The following ZNF221 variants were observed in gnomAD, a reference collection of about 807,000 sequenced individuals.
The protein encoded by ZNF221 is zinc finger protein 221.
A neutral mutation model predicts 12.6 loss-of-function variants in ZNF221; 10 were observed. The ratio of observed to expected loss-of-function variants is 0.79; its 90% CI spans 0.49 to 1.34. ZNF221 has a LOEUF of 1.34. Ranked by LOEUF, ZNF221 falls within the 40% of genes most tolerant of loss-of-function variation. The probability of loss-of-function intolerance (pLI) is 0.00; values close to 1 mark genes in which losing one functional copy is unlikely to be tolerated. For missense variants in ZNF221, 661 were observed against 721.4 expected, an observed-to-expected ratio of 0.92 and a Z score of 0.96; for synonymous variants, 232 against 244.0, an observed-to-expected ratio of 0.95 and a Z score of 0.46.
Position 43,966,320 on chromosome 19 carries a change from G to A in ZNF221, c.818G>A (p.Cys273Tyr). ...FHSRSALNVH[C>Y]KLHTGEKPYN... ...AGTAGATCAGCACTTAATGTTCATT[G>A]CAAATTGCACACAGGAGAGAAACCT... The change falls in exon 5 of 5, where the codon TGC (cysteine) becomes TAC (tyrosine). Residue 273 changes from cysteine to tyrosine, a missense_variant. Physicochemically the swap from Cys to Tyr is radical, Grantham distance 194. Transcript: ENST00000587682. 1 of 1,614,134 alleles carries A rather than the reference G, an allele frequency of 6.2e-7. No individual in the cohort carries two copies. The highest frequency in any genetic ancestry group is 8.5e-7 in the Non-Finnish European group (1 of 1,179,996).
At chr19:43,971,523 C>T (rs55821779), downstream of ZNF221, among the ~76,000 whole-genome samples, 58,601 of 151,616 alleles carry the variant, frequency 0.39, 13,908 homozygotes, top group South Asian at 0.54. Flanking sequence ...ATCACACGTG[C>T]AAAGACACAC....
chr19:43,973,895 A>C, the ZNF221 span, among the ~76,000 whole-genome samples: 2 of 152,188 alleles, frequency 1.3e-5, no homozygotes, highest in African/African-American at 2.4e-5. Context: ...AGAAAAAAAA[A>C]CCTATTTTAA....
intron 4 of ZNF221, 21 bp downstream of exon 4, chr19:43,965,346 C>T (rs1390822253): frequency 6.3e-7 from 1 of 1,581,248 alleles, no homozygotes; most frequent in African/African-American, 1.4e-5. Context: ...AGTAACTGTG[C>T]ATCCTTGTAC....
chr19:43,971,800 A>G (rs1189341493), downstream of ZNF221, among the ~76,000 whole-genome samples: 8 of 152,216 alleles, frequency 5.3e-5, no homozygotes, highest in Admixed American at 5.2e-4. Flanking sequence ...TTAGACTCCC[A>G]CACAGTAATA....
chr19:43,960,797 A>G (rs1261605348), intron 1 of ZNF221, among the ~76,000 whole-genome samples: 1 of 152,248 alleles, frequency 6.6e-6, no homozygotes, highest in African/African-American at 2.4e-5. Flanking sequence ...GAATGCAAGC[A>G]TGAAGGAGGC....
In ZNF221 at chr19:43,965,297, GACA is replaced by G. The variant is rs541833059; in HGVS notation, c.278_280del (p.Thr93del). ...GGAAGGAAAAGTTTTGGAAGATGAA[GACA>G]ACAAGCCAAAGAGAAGGGAATTCAG... On this transcript the variant is annotated inframe_deletion, in exon 4 of 5. Coordinates refer to ENST00000587682, the MANE Select transcript of ZNF221 (RefSeq NM_001297588.2). 175 of 1,613,638 alleles carry G rather than the reference GACA, an allele frequency of 1.1e-4. No homozygotes were observed. In the African/African-American group the frequency reaches 2.1e-3, roughly 19 times the overall value.
At chr19:43,970,564 G>A (rs1975076280), downstream of ZNF221, among the ~76,000 whole-genome samples, 1 of 152,152 alleles carries the variant, frequency 6.6e-6, no homozygotes, top group Non-Finnish European at 1.5e-5. Context: ...GTTTAGAGAG[G>A]AACATAACTG....
the ZNF221 span, among the ~76,000 whole-genome samples, chr19:43,972,951 A>G: frequency 1.3e-5 from 2 of 152,112 alleles, no homozygotes; most frequent in Non-Finnish European, 2.9e-5. Context: ...TAAAACGAAA[A>G]AAGAAAACTT....
chr19:43,980,061 A>G, the ZNF221 span, among the ~76,000 whole-genome samples: 1 of 152,244 alleles, frequency 6.6e-6, no homozygotes, highest in Non-Finnish European at 1.5e-5. Flanking sequence ...GGTATTTACT[A>G]GTTGCTCTGA....
chr19:43,958,509 T>A (rs1286144712), intron 1 of ZNF221, among the ~76,000 whole-genome samples: 1 of 152,216 alleles, frequency 6.6e-6, no homozygotes, highest in Non-Finnish European at 1.5e-5. Flanking sequence ...TTGATCAGGC[T>A]GGCTGTTCCC....
the ZNF221 span, among the ~76,000 whole-genome samples, chr19:43,979,922 C>T: frequency 1.3e-5 from 2 of 152,142 alleles, no homozygotes; most frequent in African/African-American, 2.4e-5. Flanking sequence ...GTTGTTAAAG[C>T]CACGACATGG....
intron 1 of ZNF221, among the ~76,000 whole-genome samples, chr19:43,957,076 T>G (rs1370322538): frequency 2.0e-5 from 3 of 152,260 alleles, no homozygotes; most frequent in Non-Finnish European, 4.4e-5. Context: ...TCCCTTTGAT[T>G]GGTCAAAACT....
At chr19:43,974,061 C>A in the ZNF221 span, among the ~76,000 whole-genome samples, 1 of 152,058 alleles carries the variant, frequency 6.6e-6, no homozygotes, top group Non-Finnish European at 1.5e-5. Context: ...GACACATAGA[C>A]AAATGGAACA....
chr19:43,952,461 A>T (rs375843257), intron 1 of ZNF221, among the ~76,000 whole-genome samples: 4 of 152,338 alleles, frequency 2.6e-5, no homozygotes, highest in African/African-American at 9.6e-5. Flanking sequence ...GAAAGTCTTA[A>T]TTGCTATCTT....
rs1433575397 is a variant in ZNF221 at position 43,966,990 on chromosome 19, T to C, written c.1488T>C (p.His496=). 8 of 1,613,732 alleles carry C rather than the reference T, an allele frequency of 5.0e-6. No homozygotes were observed. The African/African-American group carries it at 9.4e-5, about 19-fold the overall frequency. ...SFGWASCLLK[H]QRLHSGEKPF... ...GCTGGGCCTCCTGTCTTTTGAAACA[T>C]CAGAGACTCCACAGTGGGGAAAAAC... Residue 496 remains histidine (H), a synonymous_variant, in exon 5 of 5, where the codon CAT becomes CAC. Coordinates refer to ENST00000587682, the MANE Select transcript of ZNF221 (RefSeq NM_001297588.2).
At chr19:43,951,791 C>A (rs1974674523) in intron 1 of ZNF221, among the ~76,000 whole-genome samples, 2 of 149,000 alleles carry the variant, frequency 1.3e-5, no homozygotes, top group Non-Finnish European at 3.0e-5. Context: ...AGAGCTCCAG[C>A]TGGCTCTTCT....
the ZNF221 span, among the ~76,000 whole-genome samples, chr19:43,980,750 C>T: frequency 1.1e-4 from 17 of 152,148 alleles, no homozygotes; most frequent in African/African-American, 1.9e-4. Context: ...AGCGTCACAA[C>T]GCCTAGTGGA....
At chr19:43,965,106 G>T in intron 3 of ZNF221, 30 bp downstream of exon 3, 2 of 1,610,190 alleles carry the variant, frequency 1.2e-6, no homozygotes, top group Non-Finnish European at 1.7e-6. Context: ...GTAACAGAAT[G>T]TTAGGCCCCA....
chr19:43,961,499 T>A (rs946645011), intron 1 of ZNF221, among the ~76,000 whole-genome samples: 2 of 152,158 alleles, frequency 1.3e-5, no homozygotes, highest in African/African-American at 4.8e-5. Flanking sequence ...AATATCACTA[T>A]TAAATACTAG....
Sources: allele counts gnomAD v4.1 joint callset (sites outside exome capture counted in the v4.1 genomes callset), GRCh38; gene constraint gnomAD v4.1.1; transcripts MANE v1.5; gene names NCBI Gene and HGNC (gene_info 2026-07-23, HGNC 2026-07-21).